Variants in SEM1 observed in about 807,000 individuals in gnomAD.
SEM1 encodes the protein 26S proteasome complex subunit SEM1.
SEM1 carries 3 observed loss-of-function variants against 12.7 expected under a neutral mutation model. The ratio of observed to expected loss-of-function variants is 0.24; its 90% CI spans 0.11 to 0.61. The LOEUF (loss-of-function observed/expected upper bound fraction) is 0.61. Among genes scored for constraint, SEM1 ranks in the 20% least tolerant of loss-of-function variants. SEM1 has a pLI of 0.88. For missense variants in SEM1, 59 were observed against 81.3 expected (o/e 0.73, Z 1.06); for synonymous variants, 30 against 27.8 (o/e 1.08, Z -0.25).
intron 2 of SEM1, among the ~76,000 whole-genome samples, chr7:96,677,799 T>C (rs1182423410): frequency 1.3e-5 from 2 of 152,004 alleles, no homozygotes; most frequent in African/African-American, 4.8e-5. Context: ...GATGATGGTA[T>C]TAATTACCCA....
At chr7:96,483,765 G>C in exon 4 of SEM1, 2 of 1,484,160 alleles carry the variant, frequency 1.3e-6, no homozygotes, top group South Asian at 2.4e-5. Context: ...GTGCCTTGAA[G>C]ACAGAGAGCC....
intron 2 of SEM1, among the ~76,000 whole-genome samples, chr7:96,512,793 A>C (rs904304181): frequency 6.6e-6 from 1 of 152,230 alleles, no homozygotes; most frequent in Admixed American, 6.5e-5. Flanking sequence ...GGGAGGGGCC[A>C]CTGGTTAGGA....
exon 3 of SEM1, chr7:96,673,773 A>G (rs761337257): frequency 1.3e-6 from 1 of 765,318 alleles, no homozygotes; most frequent in South Asian, 1.3e-5. Flanking sequence ...ACAGCAGAGG[A>G]AAGCACTGCA....
intron 1 of SEM1, among the ~76,000 whole-genome samples, chr7:96,706,723 GA>G (rs1790479022): frequency 6.6e-6 from 1 of 151,948 alleles, no homozygotes; most frequent in Non-Finnish European, 1.5e-5. Flanking sequence ...ACTCCCAAAA[GA>G]AAATCTATTA....
chr7:96,572,804 G>A (rs1387085887), intron 2 of SEM1, among the ~76,000 whole-genome samples: 1 of 152,118 alleles, frequency 6.6e-6, no homozygotes, highest in Non-Finnish European at 1.5e-5. Context: ...AGGTCCGCTT[G>A]GTCCAGAGTT....
At chr7:96,541,251 T>G (rs962565534) in intron 2 of SEM1, among the ~76,000 whole-genome samples, 26 of 151,874 alleles carry the variant, frequency 1.7e-4, no homozygotes, top group Admixed American at 1.4e-3. Flanking sequence ...CGCCAGCATC[T>G]GCTGTTCTTG....
intron 2 of SEM1, among the ~76,000 whole-genome samples, chr7:96,556,663 T>C (rs920626817): frequency 3.4e-5 from 4 of 118,930 alleles, no homozygotes; most frequent in Admixed American, 1.8e-4. Context: ...CTGACAATTA[T>C]GTGTCTTGGA....
At chr7:96,703,972 A>AACACACACAC (rs67174798) in intron 1 of SEM1, among the ~76,000 whole-genome samples, 2,585 of 142,100 alleles carry the variant, frequency 0.018, 24 homozygotes, top group African/African-American at 0.02. Context: ...GTCTCTTAAA[A>AACACACACAC]ACACACACAC....
At chr7:96,497,785 C>T (rs1461560839), upstream of SEM1, among the ~76,000 whole-genome samples, 1 of 152,114 alleles carries the variant, frequency 6.6e-6, no homozygotes, top group African/African-American at 2.4e-5. Context: ...CCTGTGATTG[C>T]ACCAGTTTAA....
intron 2 of SEM1, among the ~76,000 whole-genome samples, chr7:96,690,849 C>A (rs1789910890): frequency 1.3e-5 from 2 of 152,140 alleles, no homozygotes; most frequent in Admixed American, 1.3e-4. Context: ...CGGCTCACTG[C>A]AAGCTCCACC....
At chr7:96,575,633 G>A (rs1367676349) in intron 2 of SEM1, among the ~76,000 whole-genome samples, 1 of 152,208 alleles carries the variant, frequency 6.6e-6, no homozygotes, top group Non-Finnish European at 1.5e-5. Flanking sequence ...CCCCTGACTG[G>A]GGGTGCTGCC....
chr7:96,513,238 G>A (rs559007110), intron 2 of SEM1, among the ~76,000 whole-genome samples: 292 of 152,114 alleles, frequency 1.9e-3, no homozygotes, highest in Non-Finnish European at 2.8e-3. Flanking sequence ...GAGAGGCACG[G>A]AATGGAGTGT....
At chr7:96,636,021 T>A (rs1808415370) in intron 2 of SEM1, among the ~76,000 whole-genome samples, 6 of 152,120 alleles carry the variant, frequency 3.9e-5, no homozygotes, top group Admixed American at 3.9e-4. Flanking sequence ...AATTTTTCCA[T>A]AATATACTCT....
At chr7:96,628,630 T>C (rs931004686) in intron 2 of SEM1, among the ~76,000 whole-genome samples, 2 of 152,174 alleles carry the variant, frequency 1.3e-5, no homozygotes, top group African/African-American at 4.8e-5. Context: ...TTCCTTTCAA[T>C]TGTTTCATCT....
Position 96,625,221 on chromosome 7 carries a change from C to T in SEM1, c.171-2578G>A, listed in dbSNP as rs149696414. ...CTCCTCCCACACCTCAGGGTGCCAG[C>T]GCATCTACAAGCAATTCACACTTTA... On this transcript the variant is annotated intron_variant, in intron 2 of 2. Coordinates refer to the SEM1 transcript ENST00000417009. Among the ~76,000 whole-genome samples the T allele has an allele frequency of 9.9e-3, 1,503 of 152,258 alleles. 13 individuals carry two copies. The highest frequency in any genetic ancestry group is 0.016 in the Non-Finnish European group (1,084 of 68,006).
chr7:96,532,713 G>A (rs971400518), intron 2 of SEM1, among the ~76,000 whole-genome samples: 1 of 152,064 alleles, frequency 6.6e-6, no homozygotes, highest in African/African-American at 2.4e-5. Flanking sequence ...TAAACCCACT[G>A]AAGAGCTAAA....
intron 2 of SEM1, among the ~76,000 whole-genome samples, chr7:96,545,567 AT>A (rs1413182536): frequency 6.6e-6 from 1 of 152,124 alleles, no homozygotes; most frequent in Non-Finnish European, 1.5e-5. Flanking sequence ...TGCTGATAAC[AT>A]GGTTTCTGAA....
chr7:96,481,794 A>G (rs1364917629), exon 4 of SEM1: 1 of 152,164 alleles, frequency 6.6e-6, no homozygotes, highest in Non-Finnish European at 1.5e-5. Context: ...TAAATGTTCT[A>G]TATCCACCTA....
At chr7:96,526,473 G>T (rs114370587) in intron 2 of SEM1, among the ~76,000 whole-genome samples, 1,794 of 152,154 alleles carry the variant, frequency 0.012, 39 homozygotes, top group African/African-American at 0.041. Context: ...GTCAGGAAGT[G>T]CTCAATGAAG....
Sources: gnomAD v4.1 joint callset for allele counts (sites outside exome capture counted in the v4.1 genomes callset) on GRCh38, gnomAD v4.1.1 for gene constraint, MANE v1.5 for transcripts, NCBI Gene and HGNC (gene_info 2026-07-23, HGNC 2026-07-21) for gene names.